The following LOC728743 variants were observed in gnomAD, a reference collection of about 807,000 sequenced individuals.
At chr7:150,406,278 T>C in the LOC728743 span, among the ~76,000 whole-genome samples, 1 of 152,216 alleles carries the variant, frequency 6.6e-6, no homozygotes, top group East Asian at 1.9e-4. Flanking sequence ...TCAGCCGGCT[T>C]CCCTGATGGG....
At chr7:150,408,018 C>A in the LOC728743 span, 1 of 397,548 alleles carries the variant, frequency 2.5e-6, no homozygotes. Flanking sequence ...TTCCGCGAGC[C>A]GCGCTTCCTG....
the LOC728743 span, chr7:150,404,514 G>A: frequency 1.3e-5 from 2 of 152,210 alleles, no homozygotes; most frequent in African/African-American, 4.8e-5. Context: ...CACAAGGTAG[G>A]GTGCACATGG....
the LOC728743 span, among the ~76,000 whole-genome samples, chr7:150,401,683 T>C: frequency 6.6e-6 from 1 of 152,158 alleles, no homozygotes; most frequent in Non-Finnish European, 1.5e-5. Flanking sequence ...GGAGGAGGTG[T>C]CCTAAACAGG....
chr7:150,401,555 A>G, the LOC728743 span, among the ~76,000 whole-genome samples: 1 of 152,228 alleles, frequency 6.6e-6, no homozygotes, highest in East Asian at 1.9e-4. Flanking sequence ...GTGTGTTCTC[A>G]CATATCACTG....
the LOC728743 span, among the ~76,000 whole-genome samples, chr7:150,408,967 G>A: frequency 6.6e-6 from 1 of 152,234 alleles, no homozygotes; most frequent in Non-Finnish European, 1.5e-5. Context: ...CTGACACGGG[G>A]TGCTCACACT....
chr7:150,411,946 C>T, the LOC728743 span: 1 of 153,466 alleles, frequency 6.5e-6, no homozygotes, highest in Non-Finnish European at 1.4e-5. Context: ...TCCCAAACCA[C>T]CCAGCCCACA....
chr7:150,405,847 A>G, the LOC728743 span: 1 of 152,256 alleles, frequency 6.6e-6, no homozygotes, highest in African/African-American at 2.4e-5. Context: ...TGAGCAGCGC[A>G]GACTGTAGAG....
the LOC728743 span, among the ~76,000 whole-genome samples, chr7:150,402,434 C>G: frequency 6.6e-6 from 1 of 152,146 alleles, no homozygotes; most frequent in Non-Finnish European, 1.5e-5. Context: ...TCCTCCAAAC[C>G]CTTGGGGGCC....
the LOC728743 span, among the ~76,000 whole-genome samples, chr7:150,406,254 G>T: frequency 6.6e-6 from 1 of 152,198 alleles, no homozygotes. Context: ...CTTCGGGGAG[G>T]TCCAGTGGAA....
chr7:150,401,147 T>C, the LOC728743 span, among the ~76,000 whole-genome samples: 10 of 152,228 alleles, frequency 6.6e-5, no homozygotes, highest in Admixed American at 6.5e-4. Flanking sequence ...ATGTTGGGGC[T>C]TCTGGAACTG....
the LOC728743 span, among the ~76,000 whole-genome samples, chr7:150,406,898 A>G: frequency 1.3e-5 from 2 of 152,232 alleles, no homozygotes; most frequent in African/African-American, 4.8e-5. Flanking sequence ...TTGATAAACA[A>G]AGAGCTGCCG....
chr7:150,408,232 G>A, the LOC728743 span: 1 of 389,716 alleles, frequency 2.6e-6, no homozygotes, highest in Non-Finnish European at 4.5e-6. Flanking sequence ...GATGCGCCCG[G>A]GGCCTGCTGC....
the LOC728743 span, chr7:150,410,462 G>A: frequency 2.8e-6 from 1 of 354,472 alleles, no homozygotes; most frequent in Non-Finnish European, 5.0e-6. Context: ...GCCACTGGTG[G>A]TAGGACGATG....
chr7:150,404,601 A>G, the LOC728743 span: 2 of 152,258 alleles, frequency 1.3e-5, no homozygotes, highest in Middle Eastern at 3.2e-3. Context: ...AGTAAGGGAC[A>G]TTATCATTAA....
chr7:150,405,682 T>A, the LOC728743 span: 1 of 151,584 alleles, frequency 6.6e-6, no homozygotes, highest in African/African-American at 2.4e-5. Context: ...CCGCAGAAGT[T>A]GGCAAGGTTG....
the LOC728743 span, among the ~76,000 whole-genome samples, chr7:150,404,230 T>A: frequency 6.6e-6 from 1 of 152,068 alleles, no homozygotes; most frequent in South Asian, 2.1e-4. Context: ...TAAAATAACT[T>A]TTCCTCTCAG....
the LOC728743 span, chr7:150,411,061 G>C: frequency 6.6e-6 from 1 of 152,386 alleles, no homozygotes; most frequent in Non-Finnish European, 1.5e-5. Context: ...CCTTGGGCTA[G>C]ATTTTCTCTT....
At chr7:150,406,215 G>C in the LOC728743 span, among the ~76,000 whole-genome samples, 1 of 152,330 alleles carries the variant, frequency 6.6e-6, no homozygotes, top group Admixed American at 6.5e-5. Flanking sequence ...CTGCAGATAG[G>C]TTGACTGAGG....
the LOC728743 span, among the ~76,000 whole-genome samples, chr7:150,406,762 G>A: frequency 2.0e-5 from 3 of 152,162 alleles, no homozygotes; most frequent in Non-Finnish European, 4.4e-5. Flanking sequence ...GGCACTGAGG[G>A]TGCTGCTCAG....
Sources: allele counts gnomAD v4.1 joint callset (sites outside exome capture counted in the v4.1 genomes callset), GRCh38; gene constraint gnomAD v4.1.1; transcripts MANE v1.5.